The following NFATC3 variants were observed in gnomAD, a reference collection of about 807,000 sequenced individuals.
The protein encoded by NFATC3 is nuclear factor of activated T cells 3, also known as nuclear factor of activated T-cells, cytoplasmic 3.
NFATC3 carries 46 observed loss-of-function variants against 98.6 expected under a neutral mutation model. The ratio of observed to expected loss-of-function variants is 0.47; its 90% CI spans 0.37 to 0.60. The LOEUF is 0.60. NFATC3 is among the 20% of genes least tolerant of loss of function. The pLI is 0.00. For missense variants in NFATC3, 1,256 were observed against 1,295.5 expected (o/e 0.97, Z 0.47); for synonymous variants, 512 against 472.2 (o/e 1.08, Z -1.09).
intron 1 of NFATC3, among the ~76,000 whole-genome samples, chr16:68,093,603 A>G (rs1356666552): frequency 6.6e-6 from 1 of 152,200 alleles, no homozygotes; most frequent in Non-Finnish European, 1.5e-5. Flanking sequence ...GTGATACATT[A>G]GATAAATATT....
At chr16:68,131,603 A>G (rs1476676184) in intron 3 of NFATC3, among the ~76,000 whole-genome samples, 1 of 152,120 alleles carries the variant, frequency 6.6e-6, no homozygotes, top group African/African-American at 2.4e-5. Context: ...AGACAAAACA[A>G]AATTTTAAAA....
At chr16:68,177,232 A>G (rs763272867) in intron 6 of NFATC3, among the ~76,000 whole-genome samples, 2 of 151,668 alleles carry the variant, frequency 1.3e-5, no homozygotes, top group African/African-American at 2.4e-5. Context: ...ATTTTTTTAA[A>G]TAGAGATGGG....
chr16:68,129,572 AC>A (rs1379303699), intron 3 of NFATC3, among the ~76,000 whole-genome samples: 1 of 151,018 alleles, frequency 6.6e-6, no homozygotes, highest in East Asian at 1.9e-4. Flanking sequence ...TCTAATTATT[AC>A]TCAAATGTTG....
In NFATC3 at chr16:68,190,825, C is replaced by G. The variant is rs1176930171; in HGVS notation, c.2156C>G (p.Pro719Arg). 1 of 1,613,980 alleles carries G rather than the reference C, an allele frequency of 6.2e-7. No individual in the cohort carries two copies. Among genetic ancestry groups the G allele is most frequent in the South Asian group, 1.1e-5 (1 of 91,068 alleles). ...GATTTGTCTTCAGTTCCATCTTTGCCTGTGCCTCATCCTGCTCAGACCCAG... is the reference window on the plus strand; with the variant it reads ...GATTTGTCTTCAGTTCCATCTTTGCGTGTGCCTCATCCTGCTCAGACCCAG... Reference protein sequence around the residue: ...EIDLSSVPSLPVPHPAQTQRP... With the variant: ...EIDLSSVPSLRVPHPAQTQRP... The change falls in exon 9 of 10, where the codon CCT becomes CGT. Residue 719 changes from proline (P) to arginine (R), a missense_variant. By Grantham distance (103) the Pro-to-Arg change is moderately radical (BLOSUM62 -2). Coordinates refer to ENST00000346183, the MANE Select transcript of NFATC3 (RefSeq NM_173165.3).
intron 9 of NFATC3, among the ~76,000 whole-genome samples, chr16:68,205,282 CTG>C (rs1249350760): frequency 6.6e-6 from 1 of 152,080 alleles, no homozygotes; most frequent in Non-Finnish European, 1.5e-5. Flanking sequence ...GGAGTTTGCT[CTG>C]TTGATCAGGC....
At chr16:68,156,812 G>T (rs2038642534) in intron 3 of NFATC3, among the ~76,000 whole-genome samples, 2 of 152,036 alleles carry the variant, frequency 1.3e-5, no homozygotes, top group Non-Finnish European at 2.9e-5. Context: ...GTTGGTGGGT[G>T]CCTGTAATCC....
chr16:68,201,802 A>G (rs957627193), intron 9 of NFATC3, among the ~76,000 whole-genome samples: 1 of 142,696 alleles, frequency 7.0e-6, no homozygotes, highest in Non-Finnish European at 1.6e-5. Context: ...AAGGAAAAAA[A>G]GAAAAATCAG....
intron 1 of NFATC3, among the ~76,000 whole-genome samples, chr16:68,098,247 G>A (rs2035123390): frequency 6.8e-6 from 1 of 148,002 alleles, no homozygotes; most frequent in Non-Finnish European, 1.5e-5. Flanking sequence ...GGGTAATTTG[G>A]TAGATGTACA....
Position 68,123,097 on chromosome 16 carries a change from A to G in NFATC3, c.1214A>G (p.Lys405Arg). ...VPSPFTWSKP[K>R]PGHTPIFRTS... ...TCACCCTTTACCTGGAGCAAACCAA[A>G]GCCTGGCCACACCCCTATATTTCGG... Residue 405 changes from lysine (K) to arginine (R), a missense_variant, in exon 2 of 10, where the codon AAG becomes AGG. Physicochemically the swap from Lys to Arg is conservative, Grantham distance 26 (BLOSUM62 2). Transcript: ENST00000346183. The G allele has an allele frequency of 1.9e-6, 3 of 1,603,530 alleles. No individual in the cohort carries two copies. The highest frequency in any genetic ancestry group is 2.5e-6 in the Non-Finnish European group (3 of 1,179,604).
intron 1 of NFATC3, among the ~76,000 whole-genome samples, chr16:68,102,013 G>A (rs8052366): frequency 0.022 from 3,380 of 152,080 alleles, 135 homozygotes; most frequent in African/African-American, 0.077. Context: ...AACTCATTTT[G>A]GTGGAGTACT....
intron 3 of NFATC3, among the ~76,000 whole-genome samples, chr16:68,137,809 G>T (rs932741930): frequency 2.6e-5 from 4 of 151,702 alleles, no homozygotes; most frequent in Non-Finnish European, 5.9e-5. Context: ...GTAGAGATGG[G>T]GTTTCACCGT....
In NFATC3 at chr16:68,107,493, C is replaced by T. The variant is rs141925624; in HGVS notation, c.104-14494C>T. Among the ~76,000 whole-genome samples, 308 of 152,174 alleles carry T rather than the reference C, an allele frequency of 2.0e-3. 1 individual carries two copies. The highest frequency in any genetic ancestry group is 3.4e-3 in the Middle Eastern group (1 of 294). On this transcript the variant is annotated intron_variant, in intron 1 of 9. Coordinates refer to ENST00000346183, the MANE Select transcript of NFATC3 (RefSeq NM_173165.3). ...ATCCCAGCACTTTGAGGGGCCGGGG[C>T]GGGCGGATCAGTTGAGGTCAGGAGT... is the stretch of plus-strand genomic sequence containing the variant.
chr16:68,202,066 G>C (rs1012123954), intron 9 of NFATC3, among the ~76,000 whole-genome samples: 1 of 149,054 alleles, frequency 6.7e-6, no homozygotes, highest in African/African-American at 2.5e-5. Flanking sequence ...ACCGAATCCT[G>C]TTACAACTTT....
intron 3 of NFATC3, among the ~76,000 whole-genome samples, chr16:68,146,070 C>T (rs1375192300): frequency 6.6e-6 from 1 of 151,896 alleles, no homozygotes; most frequent in Non-Finnish European, 1.5e-5. Context: ...GGAATATTTC[C>T]AGAATACATA....
intron 1 of NFATC3, among the ~76,000 whole-genome samples, chr16:68,113,468 G>A (rs138355855): frequency 1.3e-5 from 2 of 152,316 alleles, no homozygotes; most frequent in South Asian, 2.1e-4. Context: ...CTCCTCCTCT[G>A]GGAGCTTCAT....
At chr16:68,150,984 A>G (rs2038289677) in intron 3 of NFATC3, among the ~76,000 whole-genome samples, 1 of 152,180 alleles carries the variant, frequency 6.6e-6, no homozygotes, top group Non-Finnish European at 1.5e-5. Context: ...CTGTGAGTCA[A>G]TTAAACCTCT....
chr16:68,199,255 G>A (rs1405878599), intron 9 of NFATC3, among the ~76,000 whole-genome samples: 7 of 146,386 alleles, frequency 4.8e-5, no homozygotes, highest in African/African-American at 7.6e-5. Context: ...ACAGAGTCTC[G>A]CTCTGTCGCC....
At chr16:68,114,272 A>C (rs888286656) in intron 1 of NFATC3, among the ~76,000 whole-genome samples, 2 of 151,700 alleles carry the variant, frequency 1.3e-5, no homozygotes, top group Non-Finnish European at 2.9e-5. Context: ...CCAACCACCT[A>C]GTCAGTCCCA....
At chr16:68,186,095 G>GGAAT (rs2040188722) in intron 8 of NFATC3, among the ~76,000 whole-genome samples, 1 of 152,022 alleles carries the variant, frequency 6.6e-6, no homozygotes, top group African/African-American at 2.4e-5. Context: ...TAGACACACA[G>GGAAT]GAATGCTTGT....
Sources: allele counts gnomAD v4.1 joint callset (sites outside exome capture counted in the v4.1 genomes callset), GRCh38; gene constraint gnomAD v4.1.1; transcripts MANE v1.5; gene names NCBI Gene and HGNC (gene_info 2026-07-23, HGNC 2026-07-21).